The following TMC1 variants were observed in gnomAD, a reference collection of about 807,000 sequenced individuals.
TMC1 encodes transmembrane channel-like protein 1.
Under a neutral mutation model 105.8 loss-of-function variants are expected in TMC1, and 84 were observed. The observed-to-expected ratio is 0.79, with a 90% CI of 0.67 to 0.95. TMC1 has a LOEUF of 0.95. Ranked by LOEUF, TMC1 falls within the 40% of genes least tolerant of loss-of-function variation. TMC1 has a pLI of 0.00. For synonymous variants in TMC1, 315 were observed against 311.5 expected, an observed-to-expected ratio of 1.01 and a Z score of -0.12; for missense variants, 817 against 914.1, an observed-to-expected ratio of 0.89 and a Z score of 1.37.
chr9:72,762,448 T>C (rs1281415100), intron 12 of TMC1, among the ~76,000 whole-genome samples: 2 of 152,184 alleles, frequency 1.3e-5, no homozygotes, highest in Admixed American at 6.5e-5. Flanking sequence ...CATATTGCTG[T>C]TGTTGCTGTT....
intron 1 of TMC1, among the ~76,000 whole-genome samples, chr9:72,546,467 T>C (rs1211672764): frequency 1.3e-5 from 2 of 152,242 alleles, no homozygotes; most frequent in Non-Finnish European, 2.9e-5. Context: ...TCAAACATTG[T>C]CCTTTTGTTT....
intron 5 of TMC1, among the ~76,000 whole-genome samples, chr9:72,670,121 C>A (rs569523505): frequency 6.0e-4 from 91 of 152,296 alleles, no homozygotes; most frequent in Non-Finnish European, 1.1e-3. Flanking sequence ...CTCTGGATTT[C>A]TGTAGTGTTC....
chr9:72,781,015 ATTC>A (rs369184269), intron 13 of TMC1, among the ~76,000 whole-genome samples: 66 of 152,294 alleles, frequency 4.3e-4, no homozygotes, highest in African/African-American at 1.6e-3. Flanking sequence ...CAGAATATAC[ATTC>A]TTCTTATCTG....
chr9:72,795,172 T>C (rs953534594), intron 17 of TMC1, among the ~76,000 whole-genome samples: 3 of 152,148 alleles, frequency 2.0e-5, no homozygotes, highest in African/African-American at 7.2e-5. Flanking sequence ...CTGAAAGGGA[T>C]GGGGAAAAAG....
At chr9:72,739,923 C>T (rs554028853) in intron 8 of TMC1, among the ~76,000 whole-genome samples, 196 bp from the exon 9 acceptor site, 1 of 152,306 alleles carries the variant, frequency 6.6e-6, no homozygotes, top group South Asian at 2.1e-4. Flanking sequence ...AAATATCTTA[C>T]TCTTCCTGGT....
chr9:72,657,470 T>A (rs1459219389), intron 5 of TMC1, among the ~76,000 whole-genome samples: 1 of 152,234 alleles, frequency 6.6e-6, no homozygotes, highest in Admixed American at 6.5e-5. Flanking sequence ...TATAATATGC[T>A]TTTACTTAAT....
At chr9:72,624,444 G>A (rs908602601) in intron 3 of TMC1, among the ~76,000 whole-genome samples, 1 of 151,804 alleles carries the variant, frequency 6.6e-6, no homozygotes, top group Non-Finnish European at 1.5e-5. Context: ...TTTTTTTCTT[G>A]TCCTGTCGAA....
In TMC1 at chr9:72,548,138, A is replaced by G. The variant is rs373893133; in HGVS notation, c.-428+26225A>G. 8.5e-5 allele frequency among the ~76,000 whole-genome samples: 13 copies of G among 152,364 alleles called. No homozygotes were observed. The South Asian group carries it at 1.0e-3, about 12-fold the overall frequency. The stretch of plus-strand genomic sequence containing the variant: ...AATTTTGGGGGTACACAAACATTCA[A>G]TCCATAGCACTGAGTCTGTATGTGT... On this transcript the variant is annotated intron_variant, in intron 1 of 23. Coordinates refer to ENST00000297784, the MANE Select transcript of TMC1 (RefSeq NM_138691.3).
chr9:72,830,531 T>C lies in TMC1; in HGVS notation c.2208+2T>C. Reference sequence around the variant, plus strand: ...GATCTCAAAAAGAAGATGAAAATGGTATGATACAATTTATTTCATAGAAAT... The same window carrying C: ...GATCTCAAAAAGAAGATGAAAATGGCATGATACAATTTATTTCATAGAAAT... On this transcript the variant is annotated splice_donor_variant, in intron 22 of 23. Transcript: ENST00000297784. LOFTEE classifies it high-confidence loss of function. The C allele has an allele frequency of 6.2e-7, 1 of 1,611,936 alleles. No individual in the cohort carries two copies. The highest frequency in any genetic ancestry group is 1.1e-5 in the South Asian group (1 of 90,988).
chr9:72,596,467 G>A (rs1824721400), intron 2 of TMC1, among the ~76,000 whole-genome samples: 1 of 148,142 alleles, frequency 6.8e-6, no homozygotes, highest in Admixed American at 6.9e-5. Flanking sequence ...TCAGGAAAGA[G>A]GAATGGGAAG....
At chr9:72,547,286 C>CAAAA (rs36012788) in intron 1 of TMC1, among the ~76,000 whole-genome samples, 2 of 115,014 alleles carry the variant, frequency 1.7e-5, no homozygotes, top group African/African-American at 6.3e-5. Context: ...GACTCCTTCT[C>CAAAA]AAAAAAAAAA....
chr9:72,755,976 T>G (rs537861499), intron 12 of TMC1, among the ~76,000 whole-genome samples: 2 of 152,264 alleles, frequency 1.3e-5, no homozygotes, highest in East Asian at 3.9e-4. Flanking sequence ...AGGGGGATGA[T>G]TCATAGAGCC....
At chr9:72,759,605 C>T (rs553340628) in intron 12 of TMC1, among the ~76,000 whole-genome samples, 11 of 152,262 alleles carry the variant, frequency 7.2e-5, no homozygotes, top group African/African-American at 2.2e-4. Context: ...ATCTGGTCTG[C>T]CTGACATCTC....
At chr9:72,755,108 GAA>G (rs1047161192) in intron 12 of TMC1, among the ~76,000 whole-genome samples, 2 of 151,334 alleles carry the variant, frequency 1.3e-5, no homozygotes, top group South Asian at 4.2e-4. Context: ...AAGAAAGAAA[GAA>G]AGAGAAAGAA....
At chr9:72,824,149 T>C (rs900591394) in intron 20 of TMC1, among the ~76,000 whole-genome samples, 2 of 152,240 alleles carry the variant, frequency 1.3e-5, no homozygotes, top group Non-Finnish European at 2.9e-5. Context: ...GCAAGCTCCA[T>C]GTGGGGCCCG....
At chr9:72,652,239 A>T (rs1825824808) in intron 5 of TMC1, among the ~76,000 whole-genome samples, 1 of 152,214 alleles carries the variant, frequency 6.6e-6, no homozygotes, top group Non-Finnish European at 1.5e-5. Context: ...TAAAACAGGA[A>T]GGCAGCAGAA....
intron 1 of TMC1, among the ~76,000 whole-genome samples, chr9:72,527,660 C>T (rs1564390815): frequency 6.6e-6 from 1 of 152,214 alleles, no homozygotes; most frequent in East Asian, 1.9e-4. Flanking sequence ...AACACAGATT[C>T]TGTTTCCCTG....
chr9:72,647,226 A>G (rs976178700), intron 4 of TMC1, among the ~76,000 whole-genome samples: 4 of 151,368 alleles, frequency 2.6e-5, no homozygotes, highest in Admixed American at 2.6e-4. Flanking sequence ...TTTCTTTGAA[A>G]CCTCTTTTAA....
rs540108591 is a variant in TMC1, at chr9:72,811,411, G to A, written c.1696-4732G>A. 1.8e-3 allele frequency among the ~76,000 whole-genome samples: 275 copies of A among 152,276 alleles called. 2 individuals are homozygous for A. The highest frequency in any genetic ancestry group is 6.3e-3 in the African/African-American group (261 of 41,558). ...GGCTTCTCTGAGCACAGTTCTCAGT[G>A]TTTCAGAAGAGTTCATGAGGAGTAG... On this transcript the variant is annotated intron_variant, in intron 18 of 23. Transcript: ENST00000297784.
Sources: allele counts gnomAD v4.1 joint callset (sites outside exome capture counted in the v4.1 genomes callset), GRCh38; gene constraint gnomAD v4.1.1; transcripts MANE v1.5; gene names NCBI Gene and HGNC (gene_info 2026-07-23, HGNC 2026-07-21).